Variants in EPB41 observed in about 807,000 individuals in gnomAD.
EPB41 encodes protein 4.1.
In EPB41, 65 loss-of-function variants were observed where a neutral mutation model predicts 108.0. The ratio of observed to expected loss-of-function variants is 0.60; its 90% CI spans 0.49 to 0.74. The LOEUF (loss-of-function observed/expected upper bound fraction) is 0.74. Ranked by LOEUF, EPB41 falls within the 30% of genes least tolerant of loss-of-function variation. EPB41 has a pLI of 0.00. For synonymous variants in EPB41, 336 were observed against 358.9 expected (o/e 0.94, Z 0.72); for missense variants, 875 against 1,037.0 (o/e 0.84, Z 2.15).
chr1:29,056,866 T>A (rs963834932), intron 12 of EPB41, among the ~76,000 whole-genome samples: 1 of 152,208 alleles, frequency 6.6e-6, no homozygotes, highest in Admixed American at 6.5e-5. Context: ...CTCAGTTTTC[T>A]GCTATTGGAT....
chr1:29,022,648 G>A (rs1172494649), intron 7 of EPB41, among the ~76,000 whole-genome samples: 1 of 151,964 alleles, frequency 6.6e-6, no homozygotes, highest in Non-Finnish European at 1.5e-5. Flanking sequence ...TTTAACCTGG[G>A]AGGCGGTGGT....
intron 19 of EPB41, among the ~76,000 whole-genome samples, chr1:29,114,636 TAAAAAAAAAAAAAA>T (rs62666661): frequency 2.6e-5 from 2 of 77,744 alleles, no homozygotes; most frequent in South Asian, 9.5e-4. Context: ...AGACTCCGTC[TAAAAAAAAAAAAAA>T]AAAAAAAAAA....
At chr1:28,915,418 G>C (rs1323298339) in intron 1 of EPB41, among the ~76,000 whole-genome samples, 1 of 152,136 alleles carries the variant, frequency 6.6e-6, no homozygotes, top group Non-Finnish European at 1.5e-5. Flanking sequence ...TCGCTGGGCT[G>C]CTGTACCTGT....
At chr1:28,930,779 C>G (rs1028489795) in intron 1 of EPB41, among the ~76,000 whole-genome samples, 4 of 152,210 alleles carry the variant, frequency 2.6e-5, no homozygotes, top group Non-Finnish European at 4.4e-5. Flanking sequence ...GCCACCGCAC[C>G]TGGCCCATTT....
chr1:28,986,627 A>G (rs936757779), intron 1 of EPB41, among the ~76,000 whole-genome samples: 7 of 152,188 alleles, frequency 4.6e-5, no homozygotes, highest in Non-Finnish European at 8.8e-5. Context: ...AGACTGAAAG[A>G]GCTTAAAATG....
chr1:28,892,797 CTTTTTTTTTTT>C (rs995428093), intron 1 of EPB41, among the ~76,000 whole-genome samples: 4 of 87,234 alleles, frequency 4.6e-5, no homozygotes, highest in South Asian at 4.1e-4. Context: ...TTCCCAGGTT[CTTTTTTTTTTT>C]TTTTTTTTTT....
At chr1:28,906,761 CTAACT>C (rs1243949649) in intron 1 of EPB41, among the ~76,000 whole-genome samples, 1 of 151,654 alleles carries the variant, frequency 6.6e-6, no homozygotes, top group Non-Finnish European at 1.5e-5. Context: ...GGCAAATCAC[CTAACT>C]TTTCTTTTTT....
chr1:29,051,540 C>T (rs950388896), intron 11 of EPB41, among the ~76,000 whole-genome samples: 2 of 152,114 alleles, frequency 1.3e-5, no homozygotes, highest in Non-Finnish European at 2.9e-5. Flanking sequence ...CAGTTATAGT[C>T]AGTTTAAGAA....
intron 7 of EPB41, among the ~76,000 whole-genome samples, chr1:29,027,993 T>C (rs750097500): frequency 1.3e-5 from 2 of 151,824 alleles, no homozygotes; most frequent in Admixed American, 6.6e-5. Context: ...CCCAGCTAAT[T>C]TTGTATTTTT....
chr1:29,050,109 C>T (rs190421386), intron 11 of EPB41, among the ~76,000 whole-genome samples: 1 of 152,314 alleles, frequency 6.6e-6, no homozygotes, highest in Admixed American at 6.5e-5. Context: ...TAAGATTAAG[C>T]TCCACGCCTT....
At chr1:29,112,308 C>CT (rs987327396) in intron 18 of EPB41, 60 bp from the exon 19 acceptor site, 568 of 1,398,282 alleles carry the variant, frequency 4.1e-4, no homozygotes, top group Middle Eastern at 9.0e-4. Flanking sequence ...GCCTCTTTTT[C>CT]TTTTTTTTTA....
chr1:28,935,438 A>AACACAC (rs375817878), intron 1 of EPB41, among the ~76,000 whole-genome samples: 1 of 52,100 alleles, frequency 1.9e-5, no homozygotes, highest in Non-Finnish European at 3.6e-5. Flanking sequence ...CCTGTCTCAA[A>AACACAC]ACACACACAC....
In EPB41 at chr1:28,895,608, AC is replaced by A. The variant is rs1348638541; in HGVS notation, c.-8+8400del. 2.0e-5 allele frequency among the ~76,000 whole-genome samples: 3 copies of A among 151,612 alleles called. No homozygotes were observed. In the South Asian group the frequency reaches 6.3e-4, roughly 32 times the overall value. On this transcript the variant is annotated intron_variant, in intron 1 of 16. Transcript: ENST00000347529. ...GGGTTCAAGCAATTCTCCTGTCTCA[AC>A]CTCCCAAGTAGCTGGGACTACAGGC...
At chr1:29,009,735 C>A (rs565562758) in intron 4 of EPB41, among the ~76,000 whole-genome samples, 1 of 152,124 alleles carries the variant, frequency 6.6e-6, no homozygotes, top group African/African-American at 2.4e-5. Context: ...ACCCAGGTCA[C>A]GCCTTTCTGA....
At chr1:29,067,895 TTG>T (rs1321598080) in intron 16 of EPB41, among the ~76,000 whole-genome samples, 1 of 152,164 alleles carries the variant, frequency 6.6e-6, no homozygotes, top group Non-Finnish European at 1.5e-5. Context: ...GACTTTAGTT[TTG>T]TGTTCTAAAT....
intron 1 of EPB41, chr1:28,985,598 G>A (rs2149495311): frequency 6.6e-6 from 1 of 152,376 alleles, no homozygotes; most frequent in South Asian, 2.1e-4. Context: ...CAGGAGAAGA[G>A]CAGTGTAAGT....
chr1:28,930,336 A>T (rs2093677669), intron 1 of EPB41, among the ~76,000 whole-genome samples: 1 of 150,556 alleles, frequency 6.6e-6, no homozygotes. Flanking sequence ...AAAAAAAAAA[A>T]ATTTTTTTTT....
chr1:29,033,235 G>A lies in EPB41; in HGVS notation c.1355G>A (p.Arg452Gln), dbSNP rs146566071. 29 of 1,613,604 alleles carry A rather than the reference G, an allele frequency of 1.8e-5. No individual in the cohort carries two copies. The Admixed American group carries it at 1.8e-4, about 10-fold the overall frequency. The change falls in exon 9 of 21, where the codon CGG becomes CAG. Residue 452 changes from arginine (R) to glutamine (Q), a missense_variant. Around this residue, in one of 3 missense-constraint regions of EPB41, gnomAD observed 519 missense variants for 627.3 expected, o/e 0.83. Coordinates refer to ENST00000343067, the MANE Select transcript of EPB41 (RefSeq NM_001376013.1). ...CGTAGTAGCTTTTTCATCAAGATTCGGCCTGGAGAGGTACAGAATTTATAT... is the reference window on the plus strand; with the variant it reads ...CGTAGTAGCTTTTTCATCAAGATTCAGCCTGGAGAGGTACAGAATTTATAT... ...YKRSSFFIKIRPGEQEQYEST... is the reference protein window; with the variant it reads ...YKRSSFFIKIQPGEQEQYEST...
intron 4 of EPB41, among the ~76,000 whole-genome samples, chr1:29,005,721 G>T (rs756349817): frequency 6.4e-4 from 98 of 152,128 alleles, no homozygotes; most frequent in Non-Finnish European, 9.7e-4. Flanking sequence ...AGACAGTCAG[G>T]AATCTTCCAG....
Sources: allele counts gnomAD v4.1 joint callset (sites outside exome capture counted in the v4.1 genomes callset), GRCh38; gene constraint gnomAD v4.1.1; regional missense constraint gnomAD v4.1.1; transcripts MANE v1.5; gene names NCBI Gene and HGNC (gene_info 2026-07-23, HGNC 2026-07-21).